CNTN4: variants seen among roughly 807,000 people sequenced by gnomAD.
CNTN4 encodes contactin-4.
CNTN4 carries 77 observed loss-of-function variants against 122.5 expected under a neutral mutation model. The observed-to-expected ratio is 0.63, with a 90% CI of 0.52 to 0.76. CNTN4 has a LOEUF of 0.76. Ranked by LOEUF, CNTN4 falls within the 30% of genes least tolerant of loss-of-function variation. CNTN4 has a pLI of 0.00. For missense variants in CNTN4, 1,256 were observed against 1,259.1 expected, an observed-to-expected ratio of 1.00 and a Z score of 0.04; for synonymous variants, 512 against 447.0, an observed-to-expected ratio of 1.15 and a Z score of -1.83.
chr3:2,917,124 A>G lies in CNTN4; in HGVS notation c.1208-8505A>G, dbSNP rs902248359. On this transcript the variant is annotated intron_variant, in intron 12 of 24. Transcript: ENST00000418658. Reference sequence around the variant, plus strand: ...AGACCAGCCCGGCCAACACGGCGAAACCCCGTCTCCACCAAAAAATATAAA... The same window carrying G: ...AGACCAGCCCGGCCAACACGGCGAAGCCCCGTCTCCACCAAAAAATATAAA... Among the ~76,000 whole-genome samples, 12 of 137,706 alleles carry G rather than the reference A, an allele frequency of 8.7e-5. 1 individual carries two copies. The highest frequency in any genetic ancestry group is 5.1e-4 in the Admixed American group (7 of 13,624). 90.3% of individuals were successfully genotyped at this position (137,706 alleles called of 152,430 possible).
At chr3:2,643,002 A>G (rs897331822) in intron 4 of CNTN4, among the ~76,000 whole-genome samples, 2 of 152,216 alleles carry the variant, frequency 1.3e-5, no homozygotes, top group South Asian at 4.1e-4. Context: ...GGGCAGATGT[A>G]AGGCTATATT....
intron 7 of CNTN4, among the ~76,000 whole-genome samples, chr3:2,851,797 A>G (rs554954979): frequency 2.0e-5 from 3 of 152,362 alleles, no homozygotes; most frequent in South Asian, 4.1e-4. Flanking sequence ...ATCATCAGGT[A>G]AAAATCCAGG....
intron 18 of CNTN4, chr3:3,037,760 T>C: frequency 3.8e-6 from 1 of 260,202 alleles, no homozygotes; most frequent in Non-Finnish European, 7.5e-6. Context: ...TAAAAAATAA[T>C]TTCTTCAGAA....
intron 6 of CNTN4, among the ~76,000 whole-genome samples, chr3:2,809,250 C>A (rs1332660094): frequency 6.6e-6 from 1 of 152,184 alleles, no homozygotes; most frequent in Admixed American, 6.5e-5. Context: ...CTTAAGCCCT[C>A]AGGTAATGCT....
At chr3:2,121,207 A>G (rs1334988397) in intron 2 of CNTN4, among the ~76,000 whole-genome samples, 3 of 151,910 alleles carry the variant, frequency 2.0e-5, no homozygotes, top group Admixed American at 6.6e-5. Flanking sequence ...GATATGGTGA[A>G]TATATCATTT....
In CNTN4 at chr3:2,916,356, G is replaced by T. The variant is rs547478593; in HGVS notation, c.1208-9273G>T. Among the ~76,000 whole-genome samples the T allele has an allele frequency of 2.1e-3, 318 of 149,544 alleles. 1 individual carries two copies. Among genetic ancestry groups the T allele is most frequent in the Admixed American group, 5.3e-3 (79 of 14,956 alleles). On this transcript the variant is annotated intron_variant, in intron 12 of 24. Transcript: ENST00000418658. ...TAGGCAGAGGGCCCTGCGGCCTTCCGCAGTGTTTGTGTCCCTGGGTACTTG... is the reference window on the plus strand; with the variant it reads ...TAGGCAGAGGGCCCTGCGGCCTTCCTCAGTGTTTGTGTCCCTGGGTACTTG...
intron 3 of CNTN4, among the ~76,000 whole-genome samples, chr3:2,466,460 A>T (rs2075500895): frequency 6.6e-6 from 1 of 152,194 alleles, no homozygotes; most frequent in Non-Finnish European, 1.5e-5. Context: ...CAAATCTGGG[A>T]TTTCAAAATA....
At chr3:2,293,149 C>A (rs1433479282) in intron 2 of CNTN4, among the ~76,000 whole-genome samples, 1 of 152,160 alleles carries the variant, frequency 6.6e-6, no homozygotes, top group Middle Eastern at 3.2e-3. Context: ...CTGTTGATTG[C>A]AGATACCTAA....
chr3:2,255,163 T>C (rs1331878636), intron 2 of CNTN4, among the ~76,000 whole-genome samples: 1 of 152,186 alleles, frequency 6.6e-6, no homozygotes, highest in East Asian at 1.9e-4. Context: ...CATTGCTTGT[T>C]TTTGTCAGGT....
At chr3:2,130,852 G>A (rs140700310) in intron 2 of CNTN4, among the ~76,000 whole-genome samples, 1 of 152,314 alleles carries the variant, frequency 6.6e-6, no homozygotes, top group East Asian at 1.9e-4. Context: ...AGTGCTGTGT[G>A]CTATGTGACA....
intron 2 of CNTN4, among the ~76,000 whole-genome samples, chr3:2,255,957 G>C (rs2040573014): frequency 6.6e-6 from 1 of 151,996 alleles, no homozygotes; most frequent in African/African-American, 2.4e-5. Context: ...AACTGAAGGA[G>C]ATAGAGACAT....
chr3:2,932,412 T>G (rs1448810926), intron 13 of CNTN4, among the ~76,000 whole-genome samples: 3 of 151,980 alleles, frequency 2.0e-5, no homozygotes, highest in Non-Finnish European at 4.4e-5. Flanking sequence ...TAAGTACAAA[T>G]TGAGATTCTT....
chr3:2,557,554 C>T (rs2078770498), intron 3 of CNTN4, among the ~76,000 whole-genome samples: 1 of 151,978 alleles, frequency 6.6e-6, no homozygotes, highest in Admixed American at 6.5e-5. Flanking sequence ...GGTGAAACCC[C>T]ATCTCTACTA....
chr3:2,605,954 C>T (rs954106591), intron 4 of CNTN4, among the ~76,000 whole-genome samples: 2 of 152,100 alleles, frequency 1.3e-5, no homozygotes, highest in Admixed American at 1.3e-4. Context: ...ATGTAAGTGG[C>T]TACGTTGGAC....
chr3:2,243,497 CATT>C lies in CNTN4; in HGVS notation c.-144-95678_-144-95676del, dbSNP rs1327162545. Among the ~76,000 whole-genome samples, 10 of 151,336 alleles carry C rather than the reference CATT, an allele frequency of 6.6e-5. No individual in the cohort carries two copies. The East Asian group carries it at 1.9e-3, about 29-fold the overall frequency. On this transcript the variant is annotated intron_variant, in intron 2 of 24. Transcript: ENST00000418658. ...GACAAATTCGTAAACTTTCTTAAAA[CATT>C]ATGAGATTGTTTTGTGATTTTTTTT... is the stretch of plus-strand genomic sequence containing the variant.
In CNTN4 at chr3:2,370,562, C is replaced by A. The variant is rs373057802; in HGVS notation, c.-89+31329C>A. ...TCTGACAACATTGGAATGACAGCTGCTGAATGAGACAATTTGATTCAAATG... is the reference window on the plus strand; with the variant it reads ...TCTGACAACATTGGAATGACAGCTGATGAATGAGACAATTTGATTCAAATG... On this transcript the variant is annotated intron_variant, in intron 3 of 24. Transcript: ENST00000418658. Among the ~76,000 whole-genome samples the A allele has an allele frequency of 5.9e-5, 9 of 152,152 alleles. No homozygotes were observed. The East Asian group carries it at 1.7e-3, about 29-fold the overall frequency.
At chr3:2,645,484 G>A (rs1248321504) in intron 4 of CNTN4, among the ~76,000 whole-genome samples, 1 of 152,084 alleles carries the variant, frequency 6.6e-6, no homozygotes, top group African/African-American at 2.4e-5. Context: ...AAATTGGTAT[G>A]TAATTAGATT....
At position 2,859,731 on chromosome 3, in the gene CNTN4, T is replaced by C. The variant is rs958211540; in HGVS notation, c.455-7021T>C. 3.3e-5 allele frequency among the ~76,000 whole-genome samples: 5 copies of C among 152,314 alleles called. No individual in the cohort carries two copies. The Middle Eastern group carries it at 0.01, about 311-fold the overall frequency. On this transcript the variant is annotated intron_variant, in intron 7 of 24. Coordinates refer to ENST00000418658, the MANE Select transcript of CNTN4 (RefSeq NM_175607.3). ...TTGTTGAAGCCTTTCCATTTGCCTT[T>C]AAAAATCATATAAGTTGTATGTCCT...
chr3:2,548,161 G>A (rs188259840), intron 3 of CNTN4, among the ~76,000 whole-genome samples: 17 of 152,150 alleles, frequency 1.1e-4, no homozygotes, highest in African/African-American at 2.2e-4. Context: ...ATTGCTGTGC[G>A]GAAGCTCTTT....
Sources: gnomAD v4.1 joint callset for allele counts (sites outside exome capture counted in the v4.1 genomes callset) on GRCh38, gnomAD v4.1.1 for gene constraint, MANE v1.5 for transcripts, NCBI Gene and HGNC (gene_info 2026-07-23, HGNC 2026-07-21) for gene names.